Variants in LSAMP observed in about 807,000 individuals in gnomAD.
LSAMP encodes limbic system-associated membrane protein.
A neutral mutation model predicts 38.6 loss-of-function variants in LSAMP; 7 were observed. The ratio of observed to expected loss-of-function variants is 0.18; its 90% CI spans 0.10 to 0.34. The LOEUF is 0.34. Among genes scored for constraint, LSAMP ranks in the 10% least tolerant of loss-of-function variants. The pLI is 1.00. For missense variants in LSAMP, 313 were observed against 420.0 expected, an observed-to-expected ratio of 0.75 and a Z score of 2.23; for synonymous variants, 154 against 166.8, an observed-to-expected ratio of 0.92 and a Z score of 0.59.
chr3:116,355,301 T>C (rs1345447472), intron 1 of LSAMP, among the ~76,000 whole-genome samples: 1 of 152,128 alleles, frequency 6.6e-6, no homozygotes, highest in Admixed American at 6.6e-5. Context: ...AAATGTCTTA[T>C]TTATTTGACA....
intron 4 of LSAMP, 36 bp from the exon 5 acceptor site, chr3:115,842,614 G>C: frequency 6.2e-7 from 1 of 1,609,072 alleles, no homozygotes; most frequent in South Asian, 1.1e-5. Flanking sequence ...TTACATGAGG[G>C]TCGGGGTGCT....
At chr3:115,948,823 A>T (rs1330304247) in intron 3 of LSAMP, among the ~76,000 whole-genome samples, 1 of 152,158 alleles carries the variant, frequency 6.6e-6, no homozygotes, top group African/African-American at 2.4e-5. Context: ...AATACCAAAT[A>T]ATAATAGTAA....
chr3:116,421,656 C>T (rs957541252), intron 1 of LSAMP, among the ~76,000 whole-genome samples: 11 of 151,832 alleles, frequency 7.2e-5, no homozygotes, highest in East Asian at 3.9e-4. Flanking sequence ...AGAAGACATA[C>T]GAATGGCTGA....
intron 3 of LSAMP, among the ~76,000 whole-genome samples, chr3:115,936,847 T>C (rs1937719784): frequency 6.6e-6 from 1 of 152,146 alleles, no homozygotes; most frequent in African/African-American, 2.4e-5. Flanking sequence ...AAGAGAATTC[T>C]GACTCTAGGA....
intron 2 of LSAMP, among the ~76,000 whole-genome samples, chr3:116,063,215 G>T (rs1210267825): frequency 1.3e-5 from 2 of 151,968 alleles, no homozygotes; most frequent in Admixed American, 1.3e-4. Flanking sequence ...CTTGATCTTT[G>T]CATTTGACAA....
chr3:116,209,449 TTG>T (rs1431526970), intron 1 of LSAMP, among the ~76,000 whole-genome samples: 2 of 152,210 alleles, frequency 1.3e-5, no homozygotes. Context: ...TTTTAGAAGT[TTG>T]TGAGTTTTTG....
intron 3 of LSAMP, among the ~76,000 whole-genome samples, chr3:115,963,904 C>T (rs994336510): frequency 1.3e-5 from 2 of 152,244 alleles, no homozygotes; most frequent in African/African-American, 4.8e-5. Flanking sequence ...CGGGCTCACA[C>T]CACCACACCT....
chr3:116,113,421 T>TATATATATATATA (rs375765408), intron 1 of LSAMP, among the ~76,000 whole-genome samples: 1 of 30,882 alleles, frequency 3.2e-5, no homozygotes, highest in African/African-American at 2.3e-4. Flanking sequence ...TATATATATA[T>TATATATATATATA]TTTTTTTTTT....
At position 116,444,870 on chromosome 3, in the gene LSAMP, G is replaced by A; in HGVS notation, c.155+7C>T. 1 of 1,613,624 alleles carries A rather than the reference G, an allele frequency of 6.2e-7. No homozygotes were observed. Among genetic ancestry groups the A allele is most frequent in the Non-Finnish European group, 8.5e-7 (1 of 1,179,910 alleles). On this transcript the variant is annotated splice_region_variant and intron_variant, in intron 1 of 6. Coordinates refer to ENST00000490035, the MANE Select transcript of LSAMP (RefSeq NM_002338.5). ...CGCGCAGCAGAAAAGTTGCCCGAAA[G>A]CCCTACCTGAGGATGGCTGTGTCCC...
At chr3:116,161,882 C>T (rs7639609) in intron 1 of LSAMP, among the ~76,000 whole-genome samples, 37,244 of 151,684 alleles carry the variant, frequency 0.25, 4,616 homozygotes, top group Admixed American at 0.28. Context: ...TGCTAGAAAA[C>T]GCAGAGACAA....
intron 3 of LSAMP, among the ~76,000 whole-genome samples, chr3:116,004,533 T>TATATATAC (rs71879836): frequency 6.7e-6 from 1 of 148,676 alleles, no homozygotes; most frequent in Non-Finnish European, 1.5e-5. Context: ...TATATATATA[T>TATATATAC]ATACACACAC....
chr3:116,359,977 T>C (rs935922558), intron 1 of LSAMP: 1 of 152,518 alleles, frequency 6.6e-6, no homozygotes, highest in Non-Finnish European at 1.5e-5. Context: ...AATTGACAAA[T>C]GGGATCTAAT....
At chr3:116,261,751 C>T (rs931758713) in intron 1 of LSAMP, among the ~76,000 whole-genome samples, 5 of 151,808 alleles carry the variant, frequency 3.3e-5, no homozygotes, top group African/African-American at 4.8e-5. Flanking sequence ...CCAAAATGCT[C>T]TTAGATCATT....
At chr3:116,104,428 A>G (rs1422805528) in intron 1 of LSAMP, among the ~76,000 whole-genome samples, 2 of 151,942 alleles carry the variant, frequency 1.3e-5, no homozygotes, top group African/African-American at 4.8e-5. Context: ...ACCACCCAAC[A>G]AAGAAAACTA....
chr3:116,244,252 C>T (rs1215956736), intron 1 of LSAMP, among the ~76,000 whole-genome samples: 3 of 152,176 alleles, frequency 2.0e-5, no homozygotes, highest in Non-Finnish European at 4.4e-5. Context: ...TTACATCAGG[C>T]TCTTTCTTTG....
intron 1 of LSAMP, among the ~76,000 whole-genome samples, chr3:116,266,724 A>C (rs1469064500): frequency 6.6e-6 from 1 of 152,144 alleles, no homozygotes; most frequent in African/African-American, 2.4e-5. Context: ...GCAAGCACAC[A>C]AGTGTATAGA....
At chr3:115,846,239 C>T (rs745443838) in intron 4 of LSAMP, among the ~76,000 whole-genome samples, 11 of 152,238 alleles carry the variant, frequency 7.2e-5, no homozygotes, top group Middle Eastern at 3.4e-3. Flanking sequence ...CTTTATGTGA[C>T]TTTGGAATAG....
At chr3:116,282,091 G>T (rs973479007) in intron 1 of LSAMP, among the ~76,000 whole-genome samples, 1 of 152,142 alleles carries the variant, frequency 6.6e-6, no homozygotes, top group African/African-American at 2.4e-5. Flanking sequence ...TAAAAGTGAG[G>T]GTAATTTTGG....
At chr3:116,018,935 C>A (rs1940558851) in intron 3 of LSAMP, among the ~76,000 whole-genome samples, 1 of 152,004 alleles carries the variant, frequency 6.6e-6, no homozygotes, top group African/African-American at 2.4e-5. Flanking sequence ...AAGGGCAGGA[C>A]AATAAAAGTC....
Sources: allele counts gnomAD v4.1 joint callset (sites outside exome capture counted in the v4.1 genomes callset), GRCh38; gene constraint gnomAD v4.1.1; transcripts MANE v1.5; gene names NCBI Gene and HGNC (gene_info 2026-07-23, HGNC 2026-07-21).